Variants in CIDEB observed in about 807,000 individuals in gnomAD.
CIDEB encodes lipid transferase CIDEB.
Under a neutral mutation model 22.4 loss-of-function variants are expected in CIDEB, and 27 were observed. The observed-to-expected ratio is 1.21, with a 90% CI of 0.89 to 1.66. The LOEUF (loss-of-function observed/expected upper bound fraction) is 1.66. Ranked by LOEUF, CIDEB falls within the 40% of genes most tolerant of loss-of-function variation. The probability of loss-of-function intolerance (pLI) is 0.00; values close to 1 mark genes in which losing one functional copy is unlikely to be tolerated. For missense variants in CIDEB, 289 were observed against 268.7 expected (o/e 1.08, Z -0.53); for synonymous variants, 103 against 109.5 (o/e 0.94, Z 0.37).
chr14:24,306,639 C>G, intron 2 of CIDEB, 116 bp from the exon 3 acceptor site: 1 of 1,381,070 alleles, frequency 7.2e-7, no homozygotes, highest in Non-Finnish European at 1.0e-6. Flanking sequence ...CTTTGACTTT[C>G]CGGCACTTTG....
chr14:24,305,465 A>T lies in CIDEB; in HGVS notation c.*168T>A, dbSNP rs2041468481. ...CTTCAGGTAAGGGTATAGACTTGGGATGTGAGGCGTTATGCTGAAAGGTTC... is the reference window on the plus strand; with the variant it reads ...CTTCAGGTAAGGGTATAGACTTGGGTTGTGAGGCGTTATGCTGAAAGGTTC... On this transcript the variant is annotated 3_prime_UTR_variant, in exon 5 of 5. Coordinates refer to ENST00000554411, the MANE Select transcript of CIDEB (RefSeq NM_001393339.1). 1.3e-6 allele frequency: 1 copy of T among 773,254 alleles called. No individual in the cohort carries two copies. The highest frequency in any genetic ancestry group is 1.7e-5 in the African/African-American group (1 of 57,572). 47.9% of individuals were successfully genotyped at this position (773,254 alleles called of 1,614,324 possible).
chr14:24,305,543 G>T lies in CIDEB; in HGVS notation c.*90C>A. ...GGAAATTGGGTGGGTTATCTAGCCT[G>T]TACTGTCTGCAGGTCCTGAAATTTG... On this transcript the variant is annotated 3_prime_UTR_variant, in exon 5 of 5. Transcript: ENST00000554411. The T allele has an allele frequency of 6.6e-7, 1 of 1,508,640 alleles. No homozygotes were observed. The allele number at this position is 1,508,640 out of a possible 1,614,324, so 93.5% of individuals were successfully genotyped here.
At chr14:24,307,622 G>A in intron 1 of CIDEB, 107 bp from the exon 2 acceptor site, 1 of 1,193,162 alleles carries the variant, frequency 8.4e-7, no homozygotes, top group East Asian at 2.6e-5. Flanking sequence ...AGAGATCTAG[G>A]TTTATCGATT....
At chr14:24,311,093 G>GCCC, upstream of CIDEB, 1 of 1,563,024 alleles carries the variant, frequency 6.4e-7, no homozygotes, top group South Asian at 1.2e-5. Context: ...GCCTGCTGCT[G>GCCC]GCGGTCTGGC....
At chr14:24,307,206 G>T in intron 2 of CIDEB, 165 bp downstream of exon 2, 1 of 679,616 alleles carries the variant, frequency 1.5e-6, no homozygotes, top group Non-Finnish European at 2.4e-6. Flanking sequence ...GGTGGAAAAT[G>T]AACAAATTGA....
chr14:24,307,547 C>A (rs766313583), intron 1 of CIDEB, 32 bp from the exon 2 acceptor site: 5 of 1,604,524 alleles, frequency 3.1e-6, no homozygotes, highest in Non-Finnish European at 4.3e-6. Context: ...CAAGAAGGGG[C>A]GAGGAGGGGC....
At chr14:24,309,399 C>T (rs1358256007), upstream of CIDEB, 1 of 152,302 alleles carries the variant, frequency 6.6e-6, no homozygotes, top group Non-Finnish European at 1.5e-5. Context: ...CAAGCAACCT[C>T]AAGTTCTGGC....
upstream of CIDEB, chr14:24,310,658 C>T: frequency 6.2e-7 from 1 of 1,614,148 alleles, no homozygotes; most frequent in East Asian, 2.2e-5. Context: ...CCTGTAGGCC[C>T]AGAAGGATGT....
At chr14:24,311,352 G>A (rs745743788), upstream of CIDEB, 4 of 1,605,656 alleles carry the variant, frequency 2.5e-6, no homozygotes, top group East Asian at 4.5e-5. Flanking sequence ...GAGCGCCATC[G>A]TGCTTGCCTT....
chr14:24,306,287 C>A, intron 3 of CIDEB, 87 bp downstream of exon 3: 2 of 1,565,928 alleles, frequency 1.3e-6, no homozygotes, highest in South Asian at 2.3e-5. Context: ...TGCACCTGGT[C>A]CCCAGGATCA....
rs1352593457 is a variant in CIDEB at position 24,307,145 on chromosome 14, C to T, written c.186+226G>A. 7.1e-5 allele frequency: 30 copies of T among 424,934 alleles called. 1 individual carries two copies. Among genetic ancestry groups the T allele is most frequent in the Middle Eastern group, 6.1e-4 (1 of 1,652 alleles). 26.3% of individuals were successfully genotyped at this position (424,934 alleles called of 1,614,324 possible). A position where few individuals can be genotyped will look rare whatever the true frequency, so the allele number is the denominator to read the frequency against. ...ATACTAGCTTCTGAATTCTGTCCCT[C>T]GAACTCTCCCTATCTCCTGCTAACC... is the stretch of plus-strand genomic sequence containing the variant. On this transcript the variant is annotated intron_variant, in intron 2 of 4. Transcript: ENST00000554411.
upstream of CIDEB, chr14:24,310,804 G>A: frequency 6.3e-7 from 1 of 1,597,762 alleles, no homozygotes. Context: ...AGCTTGGCGG[G>A]CTGGCGGCCT....
chr14:24,308,150 A>T, upstream of CIDEB: 1 of 467,324 alleles, frequency 2.1e-6, no homozygotes, highest in Non-Finnish European at 3.9e-6. Flanking sequence ...GTAGATGGGA[A>T]CCATGTAAAA....
Position 24,307,388 on chromosome 14 carries a change from G to C in CIDEB, c.169C>G (p.Gln57Glu). 1 of 1,613,842 alleles carries C rather than the reference G, an allele frequency of 6.2e-7. No homozygotes were observed. Among genetic ancestry groups the C allele is most frequent in the Non-Finnish European group, 8.5e-7 (1 of 1,179,828 alleles). The change falls in exon 2 of 5, where the codon CAG (glutamine) becomes GAG (glutamate). Residue 57 changes from glutamine (Q) to glutamate (E), a missense_variant. Transcript: ENST00000554411. ...IRKGLTAATR[Q>E]ELLAKALETL... is the part of the protein sequence containing the mutation. ...CTACTTACTTTGGCTAGCAGCTCCT[G>C]GCGGGTGGCAGCTGTCAGGCCTTTC...
intron 2 of CIDEB, chr14:24,306,909 T>G: frequency 3.4e-6 from 1 of 290,992 alleles, no homozygotes; most frequent in Non-Finnish European, 6.6e-6. Context: ...GTTTAACCTT[T>G]TTGAGTCCTT....
At chr14:24,307,095 G>A (rs1218717677) in intron 2 of CIDEB, 1 of 353,768 alleles carries the variant, frequency 2.8e-6, no homozygotes, top group Admixed American at 4.3e-5. Flanking sequence ...ATTTGAACTT[G>A]ATTTGTCACA....
Position 24,306,463 on chromosome 14 carries a change from C to T in CIDEB, c.247G>A (p.Ala83Thr), listed in dbSNP as rs777528076. 57 of 1,614,148 alleles carry T rather than the reference C, an allele frequency of 3.5e-5. 1 individual carries two copies. In the Admixed American group the frequency reaches 9.0e-4, roughly 25 times the overall value. ...LTLVLEEDGT[A>T]VDSEDFFQLL... is the part of the protein sequence containing the mutation. Reference sequence around the variant, plus strand: ...TGGAAGAAGTCCTCACTGTCCACTGCAGTTCCATCCTCCTCTAGCACCAGG... The same window carrying T: ...TGGAAGAAGTCCTCACTGTCCACTGTAGTTCCATCCTCCTCTAGCACCAGG... The change falls in exon 3 of 5, where the codon GCA (alanine) becomes ACA (threonine). Residue 83 changes from alanine (A) to threonine (T), a missense_variant. By Grantham distance (58) the Ala-to-Thr change is moderately conservative. Transcript: ENST00000554411.
At chr14:24,311,194 A>C (rs756642549), upstream of CIDEB, 1 of 1,608,290 alleles carries the variant, frequency 6.2e-7, no homozygotes, top group Non-Finnish European at 8.5e-7. Flanking sequence ...TCGCCGGTCC[A>C]CGCCGCCGCC....
chr14:24,310,833 G>T, upstream of CIDEB: 1 of 1,595,932 alleles, frequency 6.3e-7, no homozygotes, highest in Non-Finnish European at 8.5e-7. Flanking sequence ...GCGACCGCTG[G>T]CGGCCACGCT....
Sources: allele counts gnomAD v4.1 joint callset, GRCh38; gene constraint gnomAD v4.1.1; transcripts MANE v1.5; gene names NCBI Gene and HGNC (gene_info 2026-07-23, HGNC 2026-07-21).